SOS1: variants seen among roughly 807,000 people sequenced by gnomAD.
SOS1 encodes son of sevenless homolog 1.
A neutral mutation model predicts 157.6 loss-of-function variants in SOS1; 25 were observed. The ratio of observed to expected loss-of-function variants is 0.16; its 90% CI spans 0.12 to 0.22. The LOEUF (loss-of-function observed/expected upper bound fraction) is 0.22, where lower values mean the gene tolerates loss of function less well. Ranked by LOEUF, SOS1 falls within the 10% of genes least tolerant of loss-of-function variation. SOS1 has a pLI of 1.00. For missense variants in SOS1, 1,237 were observed against 1,599.1 expected, an observed-to-expected ratio of 0.77 and a Z score of 3.86; for synonymous variants, 528 against 534.0, an observed-to-expected ratio of 0.99 and a Z score of 0.16.
At position 38,995,215 on chromosome 2, in the gene SOS1, G is replaced by T. The variant is rs745411722; in HGVS notation, c.3254C>A (p.Thr1085Lys). The part of the protein sequence containing the change: ...STASAPNSPR[T>K]PLTPPPASGA... ...AGAAGCAGGCGGAGGTGTTAACGGT[G>T]TTCTTGGAGAATTTGGTGCAGATGC... Residue 1085 changes from threonine (T) to lysine (K), a missense_variant, in exon 20 of 23, where the codon ACA becomes AAA. Physicochemically the swap from Thr to Lys is moderately conservative, Grantham distance 78. This residue lies in a region of SOS1 where 306 missense variants were observed against 322.6 expected (regional missense o/e 0.95). Transcript: ENST00000402219. 1.9e-6 allele frequency: 3 copies of T among 1,614,018 alleles called. No homozygotes were observed. In the South Asian group the frequency reaches 3.3e-5, roughly 18 times the overall value.
chr2:39,106,761 T>C (rs1384898676), intron 1 of SOS1, among the ~76,000 whole-genome samples: 1 of 152,178 alleles, frequency 6.6e-6, no homozygotes, highest in East Asian at 1.9e-4. Flanking sequence ...CCTTTCTGCC[T>C]GTGAGGTAGC....
chr2:39,114,994 C>G (rs368410271), intron 1 of SOS1, among the ~76,000 whole-genome samples: 4 of 152,306 alleles, frequency 2.6e-5, no homozygotes, highest in South Asian at 2.1e-4. Flanking sequence ...TTACATCATT[C>G]CTTTTCCTCT....
At chr2:38,989,245 T>A in intron 21 of SOS1, 25 bp downstream of exon 21, 2 of 1,528,964 alleles carry the variant, frequency 1.3e-6, no homozygotes, top group African/African-American at 1.4e-5. Context: ...GCAAGAATTA[T>A]GAGTCTTAAA....
At chr2:39,035,573 G>T in intron 6 of SOS1, 73 bp from the exon 7 acceptor site, 1 of 1,035,996 alleles carries the variant, frequency 9.7e-7, no homozygotes, top group South Asian at 1.3e-5. Context: ...TATGGGGCAC[G>T]ACTATGCGAG....
At chr2:39,073,164 T>C (rs561190932) in intron 1 of SOS1, among the ~76,000 whole-genome samples, 1 of 152,356 alleles carries the variant, frequency 6.6e-6, no homozygotes, top group African/African-American at 2.4e-5. Context: ...TTTAACTCTA[T>C]ACAGAATAGG....
At chr2:39,008,443 A>G (rs996958708) in intron 15 of SOS1, among the ~76,000 whole-genome samples, 2 of 152,244 alleles carry the variant, frequency 1.3e-5, no homozygotes, top group African/African-American at 4.8e-5. Context: ...CATTTGCAAC[A>G]AAGTATAAAG....
chr2:39,109,835 T>C (rs1470253504), intron 1 of SOS1, among the ~76,000 whole-genome samples: 1 of 152,200 alleles, frequency 6.6e-6, no homozygotes, highest in African/African-American at 2.4e-5. Flanking sequence ...CTATCTGCCA[T>C]GGTTCATTAA....
intron 2 of SOS1, among the ~76,000 whole-genome samples, chr2:39,067,289 C>T (rs1467859673): frequency 1.3e-5 from 2 of 152,160 alleles, no homozygotes; most frequent in African/African-American, 2.4e-5. Context: ...GCTGGGATTA[C>T]AGGCTTGAGC....
intron 1 of SOS1, among the ~76,000 whole-genome samples, chr2:39,079,320 A>G (rs1209767672): frequency 6.6e-6 from 1 of 152,134 alleles, no homozygotes; most frequent in Admixed American, 6.6e-5. Context: ...CAAGTTCATA[A>G]AAAAGCAAAA....
intron 1 of SOS1, among the ~76,000 whole-genome samples, chr2:39,083,823 G>A (rs1034659513): frequency 6.6e-6 from 1 of 152,194 alleles, no homozygotes; most frequent in Admixed American, 6.5e-5. Context: ...GTAAGGGAAT[G>A]GTTGGATACA....
chr2:39,105,757 G>C (rs1673148246), intron 1 of SOS1, among the ~76,000 whole-genome samples: 1 of 151,962 alleles, frequency 6.6e-6, no homozygotes, highest in South Asian at 2.1e-4. Flanking sequence ...AAAAATAGCT[G>C]GGTGTAGTGG....
chr2:39,086,034 G>A (rs1251891279), intron 1 of SOS1, among the ~76,000 whole-genome samples: 4 of 152,130 alleles, frequency 2.6e-5, no homozygotes, highest in African/African-American at 7.2e-5. Context: ...AACCCTGCAC[G>A]AATTACTTAC....
intron 17 of SOS1, among the ~76,000 whole-genome samples, chr2:39,000,146 A>G (rs571577405): frequency 3.8e-4 from 58 of 152,310 alleles, no homozygotes; most frequent in Non-Finnish European, 6.8e-4. Context: ...TTGAAAGCAC[A>G]CTTGAATGAA....
At chr2:39,023,594 G>A (rs978347214) in intron 9 of SOS1, among the ~76,000 whole-genome samples, 2 of 152,002 alleles carry the variant, frequency 1.3e-5, no homozygotes, top group African/African-American at 4.8e-5. Context: ...AAATGGACAA[G>A]ACCCAAAGCT....
At chr2:39,009,337 C>T (rs1669385478) in intron 15 of SOS1, among the ~76,000 whole-genome samples, 1 of 151,890 alleles carries the variant, frequency 6.6e-6, no homozygotes, top group South Asian at 2.1e-4. Context: ...TAAACAAAAA[C>T]TGAGAGAATT....
intron 2 of SOS1, among the ~76,000 whole-genome samples, chr2:39,064,805 G>A (rs2148135433): frequency 8.5e-6 from 1 of 118,044 alleles, no homozygotes; most frequent in East Asian, 2.8e-4. Flanking sequence ...CTGGAGTACA[G>A]TGGTGCAATC....
At chr2:39,063,352 T>A (rs1483203298) in intron 2 of SOS1, among the ~76,000 whole-genome samples, 1 of 152,128 alleles carries the variant, frequency 6.6e-6, no homozygotes, top group African/African-American at 2.4e-5. Context: ...GGGAGGGGTG[T>A]TCATTAGTTA....
In SOS1 at chr2:38,987,510, C is replaced by A. The variant is rs1668591994; in HGVS notation, c.3473G>T (p.Arg1158Leu). 1 of 1,601,278 alleles carries A rather than the reference C, an allele frequency of 6.2e-7. No individual in the cohort carries two copies. Among genetic ancestry groups the A allele is most frequent in the South Asian group, 1.1e-5 (1 of 89,770 alleles). The change falls in exon 22 of 23, where the codon CGA becomes CTA. Residue 1158 changes from arginine to leucine, a missense_variant. Transcript: ENST00000402219. Reference protein sequence around the residue: ...PVPPPVPPRRRPESAPAESSP... With the variant: ...PVPPPVPPRRLPESAPAESSP... ...AGATTCTGCTGGGGCAGATTCTGGT[C>A]GTCTTCGTGGAGGAACAGGAGGAGG... is the stretch of plus-strand genomic sequence containing the variant.
chr2:39,061,399 T>G (rs756995974), intron 2 of SOS1, among the ~76,000 whole-genome samples: 8 of 152,112 alleles, frequency 5.3e-5, no homozygotes, highest in Non-Finnish European at 8.8e-5. Flanking sequence ...TTTATTTATT[T>G]TGGGGGGGAA....
Sources: gnomAD v4.1 joint callset for allele counts (sites outside exome capture counted in the v4.1 genomes callset) on GRCh38, gnomAD v4.1.1 for gene constraint, gnomAD v4.1.1 regional missense constraint, MANE v1.5 for transcripts, NCBI Gene and HGNC (gene_info 2026-07-23, HGNC 2026-07-21) for gene names.